The following BRD7 variants were observed in gnomAD, a reference collection of about 807,000 sequenced individuals.
BRD7 encodes bromodomain-containing protein 7.
In BRD7, 15 loss-of-function variants were observed where a neutral mutation model predicts 82.1. The ratio of observed to expected loss-of-function variants is 0.18; its 90% confidence interval spans 0.12 to 0.28. The LOEUF (loss-of-function observed/expected upper bound fraction) is 0.28. BRD7 is among the 10% of genes least tolerant of loss of function. BRD7 has a pLI of 1.00. For synonymous variants in BRD7, 232 were observed against 266.9 expected, an observed-to-expected ratio of 0.87 and a Z score of 1.27; for missense variants, 638 against 779.9, an observed-to-expected ratio of 0.82 and a Z score of 2.17.
chr16:50,318,267 C>G lies in BRD7; in HGVS notation c.*944G>C, dbSNP rs2036908057. ...TTTGAGGGAATTAATTTTCCTTTAC[C>G]CTATTTGTTCTTCCTAAATACTAAT... On this transcript the variant is annotated 3_prime_UTR_variant, in exon 17 of 17. Transcript: ENST00000394688. The G allele has an allele frequency of 6.6e-6, 1 of 151,966 alleles. No individual in the cohort carries two copies. Among genetic ancestry groups the G allele is most frequent in the Non-Finnish European group, 1.5e-5 (1 of 67,980 alleles). 9.4% of individuals were successfully genotyped at this position (151,966 alleles called of 1,614,324 possible). A position where few individuals can be genotyped will look rare whatever the true frequency, so the allele number is the denominator to read the frequency against.
intron 8 of BRD7, 147 bp from the exon 9 acceptor site, chr16:50,328,891 C>A: frequency 1.6e-6 from 1 of 624,710 alleles, no homozygotes; most frequent in African/African-American, 1.8e-5. Flanking sequence ...AATGAGATAT[C>A]TTAGGGATGG....
chr16:50,342,455 CTTT>C (rs34093559), intron 5 of BRD7, among the ~76,000 whole-genome samples: 4 of 102,952 alleles, frequency 3.9e-5, no homozygotes, highest in Admixed American at 1.3e-4. Flanking sequence ...AAGACACTGT[CTTT>C]TTTTTTTTTT....
chr16:50,368,592 G>A (rs1567296825), intron 1 of BRD7, 134 bp downstream of exon 1: 4 of 973,222 alleles, frequency 4.1e-6, no homozygotes. Context: ...CCTCCGGCAG[G>A]ACGCGCCCCC....
Position 50,368,726 on chromosome 16 carries a change from C to T in BRD7, c.49G>A (p.Glu17Lys), listed in dbSNP as rs979068175. The change falls in exon 1 of 17, where the codon GAG becomes AAG. Residue 17 changes from glutamate (E) to lysine (K), a missense_variant and splice_region_variant. Glu to Lys is a moderately conservative substitution (Grantham distance 56). This residue lies in a region of BRD7 where 172 missense variants were observed against 155.3 expected (regional missense o/e 1.11). Transcript: ENST00000394688. ...GCCCGCACCCCGGCCCCCTCCTCAC[C>T]CTCGTAGAGGTGTTTGTCCGACTTG... ...KHKSDKHLYE[E>K]YVEKPLKLVL... 3.2e-6 allele frequency: 5 copies of T among 1,558,268 alleles called. No individual in the cohort carries two copies. The highest frequency in any genetic ancestry group is 3.7e-5 in the Admixed American group (2 of 53,868).
At chr16:50,357,022 T>A (rs1263276612) in intron 2 of BRD7, among the ~76,000 whole-genome samples, 1 of 152,192 alleles carries the variant, frequency 6.6e-6, no homozygotes. Flanking sequence ...ACTGGCAGCA[T>A]CAGGATTATT....
intron 2 of BRD7, among the ~76,000 whole-genome samples, chr16:50,364,201 C>T (rs1247892098): frequency 6.6e-6 from 1 of 152,094 alleles, no homozygotes; most frequent in Non-Finnish European, 1.5e-5. Context: ...AGGAAAAGGA[C>T]ATCCTTTGTC....
Position 50,333,607 on chromosome 16 carries a change from T to G in BRD7, c.978A>C (p.Gly326=), listed in dbSNP as rs1414557094. 4 of 1,611,966 alleles carry G rather than the reference T, an allele frequency of 2.5e-6. No homozygotes were observed. The highest frequency in any genetic ancestry group is 3.4e-6 in the Non-Finnish European group (4 of 1,179,828). The change falls in exon 8 of 17, where the codon GGA becomes GGC. Residue 326 remains glycine (G), a synonymous_variant. Transcript: ENST00000394688. The stretch of plus-strand genomic sequence containing the variant: ...TCACAAGCCGCCTGGTCAGCTTTCC[T>G]CCAGATTCCTTCACGATGCGGTCAA... ...EQLDRIVKES[G]GKLTRRLVNS...
At chr16:50,357,131 T>C (rs2038766330) in intron 2 of BRD7, among the ~76,000 whole-genome samples, 1 of 152,188 alleles carries the variant, frequency 6.6e-6, no homozygotes, top group South Asian at 2.1e-4. Context: ...AAGGTCTCAT[T>C]AAAAACACAG....
In BRD7 at chr16:50,354,090, T is replaced by C. The variant is rs1463724543; in HGVS notation, c.446+335A>G. ...AACATTTGTGGCATGATAAGCATTG[T>C]ACAAATACATAGAAGGTATTTCCAT... On this transcript the variant is annotated intron_variant, in intron 4 of 16. Transcript: ENST00000394688. Among the ~76,000 whole-genome samples the C allele has an allele frequency of 2.0e-5, 3 of 152,234 alleles. No individual in the cohort carries two copies. The South Asian group carries it at 6.2e-4, about 32-fold the overall frequency.
intron 11 of BRD7, among the ~76,000 whole-genome samples, chr16:50,324,256 G>A (rs1240731743): frequency 6.6e-6 from 1 of 151,970 alleles, no homozygotes. Flanking sequence ...ACTTCAATCA[G>A]TAAAGAAATC....
At chr16:50,330,253 T>C (rs2037503613) in intron 8 of BRD7, among the ~76,000 whole-genome samples, 1 of 152,138 alleles carries the variant, frequency 6.6e-6, no homozygotes, top group Non-Finnish European at 1.5e-5. Context: ...AAAAACTGCA[T>C]GCTTTCTTGG....
At chr16:50,366,060 C>G (rs751916629) in intron 2 of BRD7, among the ~76,000 whole-genome samples, 1 of 152,176 alleles carries the variant, frequency 6.6e-6, no homozygotes, top group African/African-American at 2.4e-5. Context: ...ACAGACTTCT[C>G]AACAGCAAAT....
chr16:50,365,070 T>C (rs1473218085), intron 2 of BRD7, among the ~76,000 whole-genome samples: 3 of 151,986 alleles, frequency 2.0e-5, no homozygotes, highest in African/African-American at 4.8e-5. Context: ...TGCAGAGAGG[T>C]GGACACCTTT....
intron 2 of BRD7, among the ~76,000 whole-genome samples, chr16:50,362,003 G>C (rs1376765366): frequency 6.6e-6 from 1 of 152,142 alleles, no homozygotes; most frequent in East Asian, 1.9e-4. Context: ...AGCCCATTAA[G>C]TACAATACTC....
At position 50,323,569 on chromosome 16, in the gene BRD7, C is replaced by T; in HGVS notation, c.1443+18G>A. The T allele has an allele frequency of 6.6e-7, 1 of 1,519,412 alleles. No homozygotes were observed. Among genetic ancestry groups the T allele is most frequent in the Middle Eastern group, 1.9e-4 (1 of 5,248 alleles). The allele number at this position is 1,519,412 out of a possible 1,614,324, so 94.1% of individuals were successfully genotyped here. A position where few individuals can be genotyped will look rare whatever the true frequency, so the allele number is the denominator to read the frequency against. ...AGTCGATAATAAATTACCCTGTTTT[C>T]ATTAGCAGTGTTCTTACCATCTCCA... On this transcript the variant is annotated intron_variant, in intron 12 of 16. Coordinates refer to ENST00000394688, the MANE Select transcript of BRD7 (RefSeq NM_013263.5).
intron 4 of BRD7, among the ~76,000 whole-genome samples, chr16:50,352,364 AATG>A (rs535091571): frequency 7.6e-4 from 115 of 152,192 alleles, no homozygotes; most frequent in Admixed American, 1.3e-3. Context: ...TGTTGTTACA[AATG>A]ATAGTATTTC....
intron 8 of BRD7, among the ~76,000 whole-genome samples, chr16:50,332,484 C>G (rs1162586211): frequency 1.3e-5 from 2 of 152,062 alleles, no homozygotes; most frequent in South Asian, 4.2e-4. Flanking sequence ...ACTAAAAACT[C>G]AAAAAATAAG....
At chr16:50,343,172 G>A (rs2038140718) in intron 5 of BRD7, among the ~76,000 whole-genome samples, 1 of 152,214 alleles carries the variant, frequency 6.6e-6, no homozygotes, top group Admixed American at 6.5e-5. Flanking sequence ...CATGTGATAT[G>A]GTTTGGCTCT....
chr16:50,355,066 G>A, intron 2 of BRD7, 144 bp from the exon 3 acceptor site: 1 of 987,544 alleles, frequency 1.0e-6, no homozygotes, highest in Non-Finnish European at 1.4e-6. Context: ...GCCATCTACT[G>A]GAAAAGGAGA....
Sources: allele counts gnomAD v4.1 joint callset (sites outside exome capture counted in the v4.1 genomes callset), GRCh38; gene constraint gnomAD v4.1.1; regional missense constraint gnomAD v4.1.1; transcripts MANE v1.5; gene names NCBI Gene and HGNC (gene_info 2026-07-23, HGNC 2026-07-21).